The following TENT4B variants were observed in gnomAD, a reference collection of about 807,000 sequenced individuals.
The protein encoded by TENT4B is PAP associated domain containing 5.
A neutral mutation model predicts 75.0 loss-of-function variants in TENT4B; 10 were observed. The ratio of observed to expected loss-of-function variants is 0.13; its 90% CI spans 0.08 to 0.23. The LOEUF (loss-of-function observed/expected upper bound fraction) is 0.23, where lower values mean the gene tolerates loss of function less well. Among genes scored for constraint, TENT4B ranks in the 10% least tolerant of loss-of-function variants. TENT4B has a pLI of 1.00. For missense variants in TENT4B, 579 were observed against 893.8 expected (o/e 0.65, Z 4.49); for synonymous variants, 350 against 357.7 (o/e 0.98, Z 0.24).
intron 1 of TENT4B, among the ~76,000 whole-genome samples, chr16:50,164,204 C>G (rs75172429): frequency 1.3e-5 from 2 of 152,078 alleles, no homozygotes; most frequent in African/African-American, 4.8e-5. Context: ...AATGGGATCT[C>G]ACCATTTTGG....
intron 1 of TENT4B, among the ~76,000 whole-genome samples, chr16:50,193,312 C>G (rs1324539703): frequency 6.7e-6 from 1 of 148,752 alleles, no homozygotes; most frequent in African/African-American, 2.5e-5. Context: ...GTGGTGGGCC[C>G]ATAGCAGCAG....
intron 1 of TENT4B, among the ~76,000 whole-genome samples, chr16:50,175,243 T>G (rs575935352): frequency 6.6e-6 from 1 of 152,314 alleles, no homozygotes; most frequent in African/African-American, 2.4e-5. Flanking sequence ...GACTTATCTT[T>G]TCATTCTCTT....
At chr16:50,158,981 C>T (rs897305241) in intron 1 of TENT4B, among the ~76,000 whole-genome samples, 1 of 152,054 alleles carries the variant, frequency 6.6e-6, no homozygotes, top group Non-Finnish European at 1.5e-5. Flanking sequence ...GCCAGAAGGA[C>T]TATTGGTTTG....
At position 50,224,655 on chromosome 16, in the gene TENT4B, A is replaced by C. The variant is rs2031968894; in HGVS notation, c.1382-2A>C. On this transcript the variant is annotated splice_acceptor_variant, in intron 7 of 11. Transcript: ENST00000561678. LOFTEE classifies it high-confidence loss of function. The stretch of plus-strand genomic sequence containing the variant: ...ACTATGTTACGTATATTTCTTTTAA[A>C]GGTAACGATGTTGGAAGGAGTTCAT... 1 of 1,613,792 alleles carries C rather than the reference A, an allele frequency of 6.2e-7. No homozygotes were observed.
intron 1 of TENT4B, among the ~76,000 whole-genome samples, chr16:50,208,190 G>T (rs1412943994): frequency 6.6e-6 from 1 of 152,070 alleles, no homozygotes; most frequent in South Asian, 2.1e-4. Context: ...TCTCCTTCCA[G>T]TGTGGCAAAT....
At position 50,185,738 on chromosome 16, in the gene TENT4B, CTCTTT is replaced by C. The variant is rs138194330; in HGVS notation, c.639-25580_639-25576del. ...CCTCCTTCCTTCCCTTCCTCCCTCTCTCTTTTCTTAAGGAATGCAACTACTCAGAT... is the reference window on the plus strand; with the variant it reads ...CCTCCTTCCTTCCCTTCCTCCCTCTCTCTTAAGGAATGCAACTACTCAGAT... On this transcript the variant is annotated intron_variant, in intron 1 of 11. Transcript: ENST00000561678. Among the ~76,000 whole-genome samples, 385 of 152,136 alleles carry C rather than the reference CTCTTT, an allele frequency of 2.5e-3. 15 individuals are homozygous for C. In the East Asian group the frequency reaches 0.071, roughly 28 times the overall value.
At chr16:50,191,582 A>G (rs2038639935) in intron 1 of TENT4B, among the ~76,000 whole-genome samples, 1 of 151,916 alleles carries the variant, frequency 6.6e-6, no homozygotes, top group African/African-American at 2.4e-5. Context: ...CCCAAATTTA[A>G]ATATATAACT....
chr16:50,231,457 TTTG>T lies in TENT4B; in HGVS notation c.*2135_*2137del, dbSNP rs2032291538. 3.0e-6 allele frequency: 3 copies of T among 985,670 alleles called. No homozygotes were observed. Among genetic ancestry groups the T allele is most frequent in the African/African-American group, 3.5e-5 (2 of 57,234 alleles). 61.1% of individuals were successfully genotyped at this position (985,670 alleles called of 1,614,324 possible). On this transcript the variant is annotated 3_prime_UTR_variant, in exon 12 of 12. Transcript: ENST00000561678. ...TTACATTTACCACACTGAAGTTTTT[TTTG>T]TTGTTTTTTGTTTGTTTTTAAAGAA...
intron 1 of TENT4B, among the ~76,000 whole-genome samples, chr16:50,197,800 G>T (rs374268314): frequency 1.7e-4 from 26 of 152,208 alleles, no homozygotes; most frequent in Admixed American, 1.1e-3. Flanking sequence ...GGTTTGTACA[G>T]TTGGCCACCT....
chr16:50,194,216 C>CTTTTTTTTTTTTT (rs5816679), intron 1 of TENT4B, among the ~76,000 whole-genome samples: 3 of 139,802 alleles, frequency 2.1e-5, no homozygotes. Flanking sequence ...TCTTTTCTTT[C>CTTTTTTTTTTTTT]TTTTTTTTTT....
At chr16:50,173,320 A>G (rs903507276) in intron 1 of TENT4B, among the ~76,000 whole-genome samples, 3 of 152,136 alleles carry the variant, frequency 2.0e-5, no homozygotes, top group Non-Finnish European at 4.4e-5. Flanking sequence ...TCTGAAGGAC[A>G]TTTTGGTTGC....
At chr16:50,174,352 C>A (rs2038262726) in intron 1 of TENT4B, among the ~76,000 whole-genome samples, 1 of 152,156 alleles carries the variant, frequency 6.6e-6, no homozygotes. Flanking sequence ...CCCACCTTTG[C>A]CTCCCAAAGT....
At position 50,234,668 on chromosome 16, in the gene TENT4B, TA is replaced by T. The variant is rs1293261810; in HGVS notation, c.*5344del. ...AAGTCTTTTGAAAGTCCTACAATCC[TA>T]AAATAAATCACAAGCTTGTTTGTTA... On this transcript the variant is annotated 3_prime_UTR_variant, in exon 12 of 12. Transcript: ENST00000561678. 1 of 985,340 alleles carries T rather than the reference TA, an allele frequency of 1.0e-6. No individual in the cohort carries two copies. Among genetic ancestry groups the T allele is most frequent in the Non-Finnish European group, 1.2e-6 (1 of 829,942 alleles). 61.0% of individuals were successfully genotyped at this position (985,340 alleles called of 1,614,324 possible). A position where few individuals can be genotyped will look rare whatever the true frequency, so the allele number is the denominator to read the frequency against.
chr16:50,194,800 G>T (rs1007300696), intron 1 of TENT4B, among the ~76,000 whole-genome samples: 1 of 139,696 alleles, frequency 7.2e-6, no homozygotes, highest in African/African-American at 2.7e-5. Context: ...CCAGGCTGGA[G>T]TGCAGTGGCG....
intron 1 of TENT4B, among the ~76,000 whole-genome samples, chr16:50,187,590 G>C (rs957706590): frequency 1.3e-5 from 2 of 152,076 alleles, no homozygotes; most frequent in East Asian, 1.9e-4. Context: ...CGTGCGGGGT[G>C]GGGGGTAAAA....
intron 1 of TENT4B, among the ~76,000 whole-genome samples, chr16:50,183,045 T>G (rs901774847): frequency 9.4e-5 from 14 of 149,554 alleles, no homozygotes; most frequent in African/African-American, 3.2e-4. Flanking sequence ...TTATTTTTAT[T>G]TATTTATTTA....
At position 50,234,091 on chromosome 16, in the gene TENT4B, G is replaced by T. The variant is rs535263892; in HGVS notation, c.*4763G>T. The T allele has an allele frequency of 2.4e-4, 232 of 985,410 alleles. 1 individual carries two copies. In the Middle Eastern group the frequency reaches 6.8e-3, roughly 29 times the overall value. 61.0% of individuals were successfully genotyped at this position (985,410 alleles called of 1,614,324 possible). A position where few individuals can be genotyped will look rare whatever the true frequency, so the allele number is the denominator to read the frequency against. On this transcript the variant is annotated 3_prime_UTR_variant, in exon 12 of 12. Transcript: ENST00000561678. ...AGGACAGTCTGGACGTATTTTGGGG[G>T]AATGTTATTTATCTTAAAGATGCCT... is the stretch of plus-strand genomic sequence containing the variant.
At chr16:50,209,150 C>A (rs2031144564) in intron 1 of TENT4B, among the ~76,000 whole-genome samples, 2 of 152,156 alleles carry the variant, frequency 1.3e-5, no homozygotes, top group Non-Finnish European at 1.5e-5. Context: ...TAGATGCAGT[C>A]ACATTTAGGA....
intron 1 of TENT4B, among the ~76,000 whole-genome samples, chr16:50,172,563 A>C (rs1215332687): frequency 2.0e-5 from 3 of 150,230 alleles, no homozygotes; most frequent in East Asian, 3.9e-4. Context: ...GCAGGAGTAC[A>C]TAGTTTCTCT....
Sources: gnomAD v4.1 joint callset for allele counts (sites outside exome capture counted in the v4.1 genomes callset) on GRCh38, gnomAD v4.1.1 for gene constraint, MANE v1.5 for transcripts, NCBI Gene and HGNC (gene_info 2026-07-23, HGNC 2026-07-21) for gene names.